Variants in APOB observed in about 807,000 individuals in gnomAD.
APOB encodes apolipoprotein B, also known as apolipoprotein B-100.
APOB carries 153 observed loss-of-function variants against 314.1 expected under a neutral mutation model. The ratio of observed to expected loss-of-function variants is 0.49; its 90% confidence interval spans 0.43 to 0.56. The LOEUF is 0.56. APOB is among the 20% of genes least tolerant of loss of function. The pLI, the probability that APOB is intolerant of heterozygous loss-of-function variation, is 0.00. For missense variants in APOB, 5,430 were observed against 5,350.7 expected (o/e 1.01, Z -0.46); for synonymous variants, 2,087 against 2,036.4 (o/e 1.02, Z -0.67).
chr2:21,032,674 A>G, intron 9 of APOB, 93 bp from the exon 10 acceptor site: 1 of 968,426 alleles, frequency 1.0e-6, no homozygotes, highest in South Asian at 1.4e-5. Context: ...AGAGCCCTTA[A>G]TCACCTCATT....
rs1297560908 is a variant in APOB, at chr2:21,005,149, C to T, written c.11719G>A (p.Asp3907Asn). The change falls in exon 26 of 29, where the codon GAT (aspartate) becomes AAT (asparagine). Residue 3907 changes from aspartate (D) to asparagine (N), a missense_variant. Asp to Asn is a conservative substitution (Grantham distance 23, BLOSUM62 1). Coordinates refer to ENST00000233242, the MANE Select transcript of APOB (RefSeq NM_000384.3). ...GAATCCAGGACTGTTTCAACATAAT[C>T]TGCTTTGTTTTTCAAACTGGCACTC... The part of the protein sequence containing the change: ...TWSASLKNKA[D>N]YVETVLDSTC... 6.2e-7 allele frequency: 1 copy of T among 1,614,036 alleles called. No homozygotes were observed. Among genetic ancestry groups the T allele is most frequent in the South Asian group, 1.1e-5 (1 of 91,078 alleles).
At chr2:21,033,594 A>G in intron 8 of APOB, 76 bp from the exon 9 acceptor site, 1 of 1,239,030 alleles carries the variant, frequency 8.1e-7, no homozygotes, top group South Asian at 1.2e-5. Context: ...GAAGCTGGAA[A>G]TTGTGGAGTA....
chr2:21,032,517 A>G lies in APOB; in HGVS notation c.1189T>C (p.Trp397Arg), dbSNP rs1236360782. 6.2e-7 allele frequency: 1 copy of G among 1,614,194 alleles called. No individual in the cohort carries two copies. Residue 397 changes from tryptophan (W) to arginine (R), a missense_variant, in exon 10 of 29, where the codon TGG becomes CGG. Transcript: ENST00000233242. ...GGGTTGGCATGCACACGTTTCAGCCACTGGAGGATGTGAGTGGAGCACTGA... is the reference window on the plus strand; with the variant it reads ...GGGTTGGCATGCACACGTTTCAGCCGCTGGAGGATGTGAGTGGAGCACTGA... ...QPQCSTHILQ[W>R]LKRVHANPLL...
chr2:21,001,637 A>T lies in APOB; in HGVS notation c.*93T>A. On this transcript the variant is annotated 3_prime_UTR_variant, in exon 29 of 29. Coordinates refer to ENST00000233242, the MANE Select transcript of APOB (RefSeq NM_000384.3). ...GCCTACTGCAAGGCTGGCTCACTGTATGGTTTTATCAATATAGGCAGTTTG... is the reference window on the plus strand; with the variant it reads ...GCCTACTGCAAGGCTGGCTCACTGTTTGGTTTTATCAATATAGGCAGTTTG... 7.7e-7 allele frequency: 1 copy of T among 1,297,074 alleles called. No homozygotes were observed. The highest frequency in any genetic ancestry group is 2.4e-5 in the East Asian group (1 of 42,056). The allele number at this position is 1,297,074 out of a possible 1,614,324, so 80.3% of individuals were successfully genotyped here. A position where few individuals can be genotyped will look rare whatever the true frequency, so the allele number is the denominator to read the frequency against.
In APOB at chr2:21,010,560, T is replaced by C. The variant is rs1572783515; in HGVS notation, c.6308A>G (p.Asn2103Ser). ...ENVQRNLKHI[N>S]IDQFVRKYRA... ...GTATTTTCTTACAAATTGATCAATA[T>C]TGATGTGCTTCAGGTTTCTCTGTAC... Residue 2103 changes from asparagine to serine, a missense_variant, in exon 26 of 29, where the codon AAT becomes AGT. Asn to Ser is a conservative substitution (Grantham distance 46). Transcript: ENST00000233242. 1 of 1,613,192 alleles carries C rather than the reference T, an allele frequency of 6.2e-7. No homozygotes were observed. The highest frequency in any genetic ancestry group is 1.7e-5 in the Admixed American group (1 of 59,938).
chr2:21,002,634 AT>A lies in APOB; in HGVS notation c.12787del (p.Ile4263Ter). The A allele has an allele frequency of 6.2e-7, 1 of 1,613,912 alleles. No individual in the cohort carries two copies. Among genetic ancestry groups the A allele is most frequent in the South Asian group, 1.1e-5 (1 of 91,028 alleles). ...TTCCCTATACATCGAGATTACATCT[AT>A]TAGTTTATGTTTCCTTAACTCGAAA... is the stretch of plus-strand genomic sequence containing the variant. The part of the protein sequence containing the change: ...LPFELRKHKL[I>X]DVISMYRELL... On this transcript the variant is annotated frameshift_variant, in exon 29 of 29. Coordinates refer to ENST00000233242, the MANE Select transcript of APOB (RefSeq NM_000384.3). LOFTEE classifies it low-confidence loss of function (END_TRUNC).
chr2:21,013,084 C>A, intron 25 of APOB, 76 bp downstream of exon 25: 1 of 1,592,456 alleles, frequency 6.3e-7, no homozygotes. Flanking sequence ...AAAGTCCTTT[C>A]CTCCCTGGAG....
chr2:21,004,246 G>A, intron 28 of APOB, 23 bp downstream of exon 28: 1 of 1,612,816 alleles, frequency 6.2e-7, no homozygotes, highest in Non-Finnish European at 8.5e-7. Flanking sequence ...TTGGGGGCGT[G>A]TCACTCATTA....
rs72653053 is a variant in APOB at position 21,043,351 on chromosome 2, T to C, written c.121+162A>G. Among the ~76,000 whole-genome samples, 1,324 of 151,942 alleles carry C rather than the reference T, an allele frequency of 8.7e-3. 19 individuals carry two copies. The highest frequency in any genetic ancestry group is 0.03 in the South Asian group (144 of 4,814). On this transcript the variant is annotated intron_variant, in intron 2 of 28. Transcript: ENST00000233242. ...CCAGGTAGAAGAGAGTTGGCATCCC[T>C]TGGGTGTGGGCAGAGGCTCAGGGAA...
intron 3 of APOB, among the ~76,000 whole-genome samples, chr2:21,041,657 T>C (rs1054037823): frequency 2.6e-5 from 4 of 152,272 alleles, no homozygotes. Flanking sequence ...CCAGGGTGGC[T>C]GTTGAGCAGT....
rs757119717 is a variant in APOB at position 21,043,852 on chromosome 2, C to G, written c.82+12G>C. The G allele has an allele frequency of 1.3e-5, 20 of 1,523,968 alleles. No homozygotes were observed. Among genetic ancestry groups the G allele is most frequent in the Admixed American group, 2.0e-5 (1 of 50,734 alleles). 94.4% of individuals were successfully genotyped at this position (1,523,968 alleles called of 1,614,324 possible). On this transcript the variant is annotated intron_variant, in intron 1 of 28. Transcript: ENST00000233242. ...CGCTCCCTCTGCGCCCGCAGAGCGG[C>G]CGCGCACTCACCGGCCCTGGCGCCC...
intron 16 of APOB, chr2:21,024,475 C>T (rs1361868725): frequency 1.3e-5 from 3 of 223,916 alleles, no homozygotes; most frequent in Admixed American, 5.3e-5. Context: ...ACAAATTAGC[C>T]GGGCATGCTG....
rs1663024812 is a variant in APOB, at chr2:21,002,773, A to G, written c.12649T>C (p.Cys4217Arg). Reference protein sequence around the residue: ...KPGIYTREELCTMFIREVGTV... With the variant: ...KPGIYTREELRTMFIREVGTV... Reference sequence around the variant, plus strand: ...CCTACCTCCCTTATGAACATAGTGCAAAGTTCCTCCCTAGTGTATATCCCA... The same window carrying G: ...CCTACCTCCCTTATGAACATAGTGCGAAGTTCCTCCCTAGTGTATATCCCA... The change falls in exon 29 of 29, where the codon TGC becomes CGC. Residue 4217 changes from cysteine (C) to arginine (R), a missense_variant. Coordinates refer to ENST00000233242, the MANE Select transcript of APOB (RefSeq NM_000384.3). 3 of 1,608,218 alleles carry G rather than the reference A, an allele frequency of 1.9e-6. No individual in the cohort carries two copies. The highest frequency in any genetic ancestry group is 2.6e-6 in the Non-Finnish European group (3 of 1,176,292).
In APOB at chr2:21,009,750, G is replaced by C. The variant is rs1417267509; in HGVS notation, c.7118C>G (p.Thr2373Ser). 6 of 1,613,910 alleles carry C rather than the reference G, an allele frequency of 3.7e-6. No homozygotes were observed. The highest frequency in any genetic ancestry group is 5.1e-6 in the Non-Finnish European group (6 of 1,179,930). ...ELAHQYKLKE[T>S]IQKLSNVLQQ... is the part of the protein sequence containing the mutation. ...TAGGACATTGCTTAGCTTCTGAATAGTCTCCTTCAACTTGTATTGGTGGGC... is the reference window on the plus strand; with the variant it reads ...TAGGACATTGCTTAGCTTCTGAATACTCTCCTTCAACTTGTATTGGTGGGC... Residue 2373 changes from threonine (T) to serine (S), a missense_variant, in exon 26 of 29, where the codon ACT becomes AGT. By Grantham distance (58) the Thr-to-Ser change is moderately conservative (BLOSUM62 1). Coordinates refer to ENST00000233242, the MANE Select transcript of APOB (RefSeq NM_000384.3).
In APOB at chr2:21,006,437, A is replaced by C; in HGVS notation, c.10431T>G (p.Val3477=). The change falls in exon 26 of 29, where the codon GTT becomes GTG. Residue 3477 remains valine (V), a synonymous_variant. Transcript: ENST00000233242. Reference sequence around the variant, plus strand: ...GGCTTTCCAAGCTAAGCTTGTGGTCAACTGCTCCTTTAGCGGTAGAGTACA... The same window carrying C: ...GGCTTTCCAAGCTAAGCTTGTGGTCCACTGCTCCTTTAGCGGTAGAGTACA... The part of the protein sequence containing the change: ...SMLYSTAKGA[V]DHKLSLESLT... 6.2e-7 allele frequency: 1 copy of C among 1,614,128 alleles called. No homozygotes were observed. Among genetic ancestry groups the C allele is most frequent in the Non-Finnish European group, 8.5e-7 (1 of 1,179,988 alleles).
chr2:21,042,515 T>A (rs1197097516), intron 2 of APOB, 39 bp from the exon 3 acceptor site: 1 of 1,536,856 alleles, frequency 6.5e-7, no homozygotes, highest in Non-Finnish European at 9.0e-7. Context: ...ATAGCAGAAA[T>A]AGCTCTCCCA....
chr2:21,026,714 C>A (rs1663739215), intron 15 of APOB, 74 bp downstream of exon 15: 1 of 1,254,394 alleles, frequency 8.0e-7, no homozygotes, highest in South Asian at 1.2e-5. Context: ...TTGAGGACTT[C>A]CATGCTTAGA....
chr2:21,016,812 G>A (rs1267527307), intron 20 of APOB, among the ~76,000 whole-genome samples, 163 bp from the exon 21 acceptor site: 12 of 151,774 alleles, frequency 7.9e-5, no homozygotes, highest in South Asian at 2.1e-4. Flanking sequence ...GTGAAACCCC[G>A]TCTCTACTAA....
Position 21,004,673 on chromosome 2 carries a change from A to G in APOB, c.11791T>C (p.Leu3931=). 2 of 1,608,724 alleles carry G rather than the reference A, an allele frequency of 1.2e-6. No homozygotes were observed. Among genetic ancestry groups the G allele is most frequent in the Non-Finnish European group, 1.7e-6 (2 of 1,175,156 alleles). ...CCATCTTCGATTTTGTGTGTTCCCA[A>G]AACTGTATAGGAGAGATTTTGTATT... is the stretch of plus-strand genomic sequence containing the variant. ...VQFLEYELNV[L]GTHKIEDGTL... Residue 3931 remains leucine, a splice_region_variant and synonymous_variant, in exon 27 of 29, where the codon TTG becomes CTG. Coordinates refer to ENST00000233242, the MANE Select transcript of APOB (RefSeq NM_000384.3).
Sources: allele counts gnomAD v4.1 joint callset (sites outside exome capture counted in the v4.1 genomes callset), GRCh38; gene constraint gnomAD v4.1.1; transcripts MANE v1.5; gene names NCBI Gene and HGNC (gene_info 2026-07-23, HGNC 2026-07-21).